Variants in CD302 observed in about 807,000 individuals in gnomAD.
The protein encoded by CD302 is CD302 antigen.
CD302 carries 23 observed loss-of-function variants against 26.5 expected under a neutral mutation model. That is an observed-to-expected ratio of 0.87 (90% confidence interval 0.62 to 1.23). The LOEUF is 1.23. CD302 is among the 50% of genes most tolerant of loss of function. The probability of loss-of-function intolerance (pLI) is 0.00; values close to 1 mark genes in which losing one functional copy is unlikely to be tolerated. For missense variants in CD302, 290 were observed against 275.5 expected (o/e 1.05, Z -0.37); for synonymous variants, 90 against 99.4 (o/e 0.91, Z 0.56).
intron 1 of CD302, among the ~76,000 whole-genome samples, chr2:159,794,846 C>T (rs1438010441): frequency 6.6e-6 from 1 of 151,734 alleles, no homozygotes; most frequent in Non-Finnish European, 1.5e-5. Context: ...CCACGCCCAG[C>T]TCAAAATTTA....
At chr2:159,787,017 T>C (rs1468723065) in intron 1 of CD302, among the ~76,000 whole-genome samples, 1 of 152,230 alleles carries the variant, frequency 6.6e-6, no homozygotes, top group Non-Finnish European at 1.5e-5. Context: ...AATGTTACTT[T>C]AAAAATCATT....
At chr2:159,783,293 A>T in intron 2 of CD302, 66 bp downstream of exon 2, 1 of 1,308,902 alleles carries the variant, frequency 7.6e-7, no homozygotes, top group Non-Finnish European at 1.0e-6. Flanking sequence ...ATCAATTTTT[A>T]AAGAAATTAA....
At chr2:159,784,972 CT>C (rs35915930) in intron 1 of CD302, among the ~76,000 whole-genome samples, 32,984 of 111,136 alleles carry the variant, frequency 0.3, 3,661 homozygotes, top group Admixed American at 0.44. Flanking sequence ...TCCGTACAGA[CT>C]TTTTTTTTTT....
chr2:159,770,651 G>T lies in CD302; in HGVS notation c.*1200C>A, dbSNP rs770137848. 6.6e-6 allele frequency: 1 copy of T among 152,064 alleles called. No individual in the cohort carries two copies. The highest frequency in any genetic ancestry group is 1.5e-5 in the Non-Finnish European group (1 of 67,994). 9.4% of individuals were successfully genotyped at this position (152,064 alleles called of 1,614,324 possible). ...CCACATATAGAACAGTGTTTCCTTA[G>T]TAGACCATATTTTTACTGTACCTTT... On this transcript the variant is annotated 3_prime_UTR_variant, in exon 6 of 6. Transcript: ENST00000259053.
chr2:159,777,279 G>T (rs1238826273), intron 5 of CD302, among the ~76,000 whole-genome samples: 1 of 152,142 alleles, frequency 6.6e-6, no homozygotes, highest in African/African-American at 2.4e-5. Context: ...TCTGAAAGGT[G>T]CTCAACATCA....
intron 5 of CD302, among the ~76,000 whole-genome samples, chr2:159,774,979 CTT>C (rs1708266574): frequency 6.6e-6 from 1 of 152,182 alleles, no homozygotes; most frequent in Non-Finnish European, 1.5e-5. Context: ...TTCACTTTGA[CTT>C]TAGGTCTTCA....
In CD302 at chr2:159,783,401, C is replaced by T; in HGVS notation, c.136G>A (p.Val46Ile). ...TTTCTGACATCCTCTATGCTTTCTA[C>T]TTTGATGGCTTCTTGGAGAAAAATG... ...CYIFLQEAIK[V>I]ESIEDVRNQC... Residue 46 changes from valine (V) to isoleucine (I), a missense_variant, in exon 2 of 6, where the codon GTA (valine) becomes ATA (isoleucine). Coordinates refer to ENST00000259053, the MANE Select transcript of CD302 (RefSeq NM_014880.5). 6.2e-7 allele frequency: 1 copy of T among 1,612,848 alleles called. No individual in the cohort carries two copies. Among genetic ancestry groups the T allele is most frequent in the African/African-American group, 1.3e-5 (1 of 74,984 alleles).
At chr2:159,793,603 G>A (rs1708866240) in intron 1 of CD302, among the ~76,000 whole-genome samples, 1 of 152,138 alleles carries the variant, frequency 6.6e-6, no homozygotes, top group Non-Finnish European at 1.5e-5. Flanking sequence ...ACTTCCGCAA[G>A]GGCAACTGTG....
rs950317230 is a variant in CD302, at chr2:159,770,579, T to C, written c.*1272A>G. ...GTGGATTCAGAAGAGGGATTACTTTTCTTTGAGCCTCAGACTTCTAGACAG... is the reference window on the plus strand; with the variant it reads ...GTGGATTCAGAAGAGGGATTACTTTCCTTTGAGCCTCAGACTTCTAGACAG... On this transcript the variant is annotated 3_prime_UTR_variant, in exon 6 of 6. Transcript: ENST00000259053. 1 of 152,202 alleles carries C rather than the reference T, an allele frequency of 6.6e-6. No homozygotes were observed. The highest frequency in any genetic ancestry group is 1.9e-4 in the East Asian group (1 of 5,200). 9.4% of individuals were successfully genotyped at this position (152,202 alleles called of 1,614,324 possible). A position where few individuals can be genotyped will look rare whatever the true frequency, so the allele number is the denominator to read the frequency against.
rs1708153113 is a variant in CD302 at position 159,771,802 on chromosome 2, T to C, written c.*49A>G. The C allele has an allele frequency of 1.9e-6, 3 of 1,591,710 alleles. No homozygotes were observed. Among genetic ancestry groups the C allele is most frequent in the East Asian group, 2.2e-5 (1 of 44,634 alleles). On this transcript the variant is annotated 3_prime_UTR_variant, in exon 6 of 6. Transcript: ENST00000259053. ...TTATATTAAAATCTTTCCCAAGTTA[T>C]CTCTGCCAGGGCATTTTGTTGATGT...
chr2:159,772,218 A>G (rs1046354935), intron 5 of CD302, among the ~76,000 whole-genome samples, 165 bp from the exon 6 acceptor site: 5 of 152,234 alleles, frequency 3.3e-5, no homozygotes, highest in Admixed American at 2.6e-4. Context: ...AACAAGATTT[A>G]TATTTCTTAG....
Position 159,780,148 on chromosome 2 carries a change from T to C in CD302, c.326A>G (p.Asn109Ser). The change falls in exon 4 of 6, where the codon AAT becomes AGT. Residue 109 changes from asparagine to serine, a missense_variant. Physicochemically the swap from Asn to Ser is conservative, Grantham distance 46 (BLOSUM62 1). Coordinates refer to ENST00000259053, the MANE Select transcript of CD302 (RefSeq NM_014880.5). The part of the protein sequence containing the change: ...DASFKWFDNS[N>S]MTFDKWTDQD... Reference sequence around the variant, plus strand: ...GTCTGTCCACTTATCAAATGTCATATTTGAATTATCAAACCACTTGAAACT... The same window carrying C: ...GTCTGTCCACTTATCAAATGTCATACTTGAATTATCAAACCACTTGAAACT... 3 of 1,613,994 alleles carry C rather than the reference T, an allele frequency of 1.9e-6. No individual in the cohort carries two copies. Among genetic ancestry groups the C allele is most frequent in the Non-Finnish European group, 2.5e-6 (3 of 1,179,938 alleles).
intron 5 of CD302, among the ~76,000 whole-genome samples, chr2:159,774,217 G>GTCTT (rs1574484979): frequency 1.3e-5 from 2 of 152,010 alleles, no homozygotes; most frequent in African/African-American, 4.8e-5. Flanking sequence ...AACCATTCAA[G>GTCTT]TCTTTTATGT....
At chr2:159,777,317 C>T (rs920038955) in intron 5 of CD302, among the ~76,000 whole-genome samples, 1 of 152,168 alleles carries the variant, frequency 6.6e-6, no homozygotes, top group Non-Finnish European at 1.5e-5. Flanking sequence ...ATTAAAGCCA[C>T]AAGAAGATCA....
At chr2:159,780,239 G>T (rs1399046344) in intron 3 of CD302, 61 bp from the exon 4 acceptor site, 9 of 1,573,280 alleles carry the variant, frequency 5.7e-6, no homozygotes, top group Non-Finnish European at 7.8e-6. Context: ...AAGCCAAAAA[G>T]GGTGTAGGAT....
At chr2:159,795,911 A>G (rs1708943731) in intron 1 of CD302, among the ~76,000 whole-genome samples, 1 of 152,258 alleles carries the variant, frequency 6.6e-6, no homozygotes, top group Admixed American at 6.5e-5. Flanking sequence ...TGCCAGGCAT[A>G]GGAAACCACT....
At chr2:159,798,096 C>G in intron 1 of CD302, 36 bp downstream of exon 1, 1 of 1,490,950 alleles carries the variant, frequency 6.7e-7, no homozygotes, top group Non-Finnish European at 8.9e-7. Context: ...AAGGCGGTCG[C>G]GCACGGTCCC....
Position 159,769,196 on chromosome 2 carries a change from A to G in CD302, c.*2655T>C, listed in dbSNP as rs1247912850. 1 of 152,222 alleles carries G rather than the reference A, an allele frequency of 6.6e-6. No individual in the cohort carries two copies. The highest frequency in any genetic ancestry group is 2.4e-5 in the African/African-American group (1 of 41,466). The allele number at this position is 152,222 out of a possible 1,614,324, so 9.4% of individuals were successfully genotyped here. On this transcript the variant is annotated 3_prime_UTR_variant, in exon 6 of 6. Coordinates refer to ENST00000259053, the MANE Select transcript of CD302 (RefSeq NM_014880.5). ...TAAAATGTTATTCTGAATATCTGCC[A>G]AAGAATTATATTGTTATTACTAGCT...
At chr2:159,783,640 C>T (rs3815876) in intron 1 of CD302, among the ~76,000 whole-genome samples, 171 bp from the exon 2 acceptor site, 88,295 of 152,030 alleles carry the variant, frequency 0.58, 25,952 homozygotes, top group Admixed American at 0.68. Context: ...ATTTGTTTCT[C>T]TCCATTATTC....
Sources: gnomAD v4.1 joint callset for allele counts (sites outside exome capture counted in the v4.1 genomes callset) on GRCh38, gnomAD v4.1.1 for gene constraint, MANE v1.5 for transcripts, NCBI Gene and HGNC (gene_info 2026-07-23, HGNC 2026-07-21) for gene names.